The following CNOT4 variants were observed in gnomAD, a reference collection of about 807,000 sequenced individuals.
CNOT4 encodes the protein CCR4-NOT transcription complex subunit 4.
In CNOT4, 8 loss-of-function variants were observed where a neutral mutation model predicts 73.8. That is an observed-to-expected ratio of 0.11 (90% CI 0.06 to 0.20). The LOEUF is 0.20. CNOT4 is among the 10% of genes least tolerant of loss of function. The pLI, the probability that CNOT4 is intolerant of heterozygous loss-of-function variation, is 1.00. For synonymous variants in CNOT4, 293 were observed against 321.1 expected (o/e 0.91, Z 0.94); for missense variants, 564 against 883.4 (o/e 0.64, Z 4.58).
chr7:135,425,904 T>C (rs1798465701), intron 2 of CNOT4, among the ~76,000 whole-genome samples: 2 of 151,922 alleles, frequency 1.3e-5, no homozygotes, highest in African/African-American at 4.8e-5. Context: ...AATAAACTAA[T>C]ACAATAAAAT....
rs149551693 is a variant in CNOT4, at chr7:135,454,376, G to A, written c.-92-15953C>T. On this transcript the variant is annotated intron_variant, in intron 1 of 11. Coordinates refer to ENST00000541284, the MANE Select transcript of CNOT4 (RefSeq NM_001190850.2). ...ATGTTTTCAAGAATAAAACAAGGCC[G>A]GGCACAGCAACTCATTCCTGTAATC... is the stretch of plus-strand genomic sequence containing the variant. Among the ~76,000 whole-genome samples the A allele has an allele frequency of 2.5e-3, 381 of 151,858 alleles. 3 individuals are homozygous for A. The highest frequency in any genetic ancestry group is 8.6e-3 in the African/African-American group (355 of 41,406).
At chr7:135,417,884 C>T (rs1797955713) in intron 3 of CNOT4, among the ~76,000 whole-genome samples, 1 of 152,168 alleles carries the variant, frequency 6.6e-6, no homozygotes, top group African/African-American at 2.4e-5. Context: ...CACTTTACCC[C>T]AAAGACAGCA....
In CNOT4 at chr7:135,364,368, A is replaced by G. The variant is rs1212922702; in HGVS notation, c.1628-302T>C. Among the ~76,000 whole-genome samples the G allele has an allele frequency of 2.6e-5, 4 of 152,220 alleles. No individual in the cohort carries two copies. The highest frequency in any genetic ancestry group is 4.4e-5 in the Non-Finnish European group (3 of 68,032). On this transcript the variant is annotated intron_variant, in intron 10 of 11. Transcript: ENST00000541284. The surrounding 1 kb of genome is among the most constrained non-coding windows in gnomAD (Gnocchi z 4.3). Reference sequence around the variant, plus strand: ...GTTTAAAGACTCAATGCTCCAGAGCACAATTTAGTTCCAGCTACATTATGA... The same window carrying G: ...GTTTAAAGACTCAATGCTCCAGAGCGCAATTTAGTTCCAGCTACATTATGA...
chr7:135,417,507 C>T (rs751027901), intron 3 of CNOT4, among the ~76,000 whole-genome samples: 51 of 152,214 alleles, frequency 3.4e-4, no homozygotes, highest in Non-Finnish European at 6.3e-4. Flanking sequence ...GACACTGAGT[C>T]GGATAAGGTT....
chr7:135,417,752 A>G (rs1246356985), intron 3 of CNOT4, among the ~76,000 whole-genome samples: 1 of 152,182 alleles, frequency 6.6e-6, no homozygotes, highest in African/African-American at 2.4e-5. Flanking sequence ...TTCATGATCC[A>G]TTACCACTTA....
intron 3 of CNOT4, among the ~76,000 whole-genome samples, chr7:135,415,599 A>C (rs1265088165): frequency 1.3e-5 from 2 of 152,146 alleles, no homozygotes; most frequent in African/African-American, 4.8e-5. Context: ...TCTTAACTAC[A>C]TTGCCATTAA....
At chr7:135,503,527 G>A (rs1023877368) in intron 1 of CNOT4, among the ~76,000 whole-genome samples, 1 of 152,076 alleles carries the variant, frequency 6.6e-6, no homozygotes, top group African/African-American at 2.4e-5. Flanking sequence ...ACTATTTGAA[G>A]CTGAGTAACA....
At chr7:135,496,086 T>C (rs1473507843) in intron 1 of CNOT4, among the ~76,000 whole-genome samples, 1 of 152,148 alleles carries the variant, frequency 6.6e-6, no homozygotes, top group Admixed American at 6.5e-5. Flanking sequence ...CTTGACTAAA[T>C]AGTTTTTGTT....
chr7:135,400,144 T>C (rs929933132), intron 7 of CNOT4, among the ~76,000 whole-genome samples: 13 of 151,934 alleles, frequency 8.6e-5, no homozygotes, highest in Non-Finnish European at 1.5e-5. Flanking sequence ...GCATTAAAGG[T>C]AGGAATACCT....
intron 8 of CNOT4, among the ~76,000 whole-genome samples, chr7:135,397,648 C>G (rs1585583146): frequency 1.3e-5 from 2 of 150,240 alleles, no homozygotes; most frequent in Non-Finnish European, 3.0e-5. Context: ...GACAAGATGA[C>G]ATAAAGCATG....
intron 1 of CNOT4, among the ~76,000 whole-genome samples, chr7:135,440,221 T>TAAAAAAAAAAAAA (rs71174523): frequency 1.9e-5 from 2 of 107,474 alleles, no homozygotes; most frequent in Non-Finnish European, 1.9e-5. Context: ...ACAGACAAGT[T>TAAAAAAAAAAAAA]AAAAAAAAAA....
At chr7:135,372,242 G>A (rs989909900) in intron 10 of CNOT4, among the ~76,000 whole-genome samples, 1 of 152,202 alleles carries the variant, frequency 6.6e-6, no homozygotes, top group Non-Finnish European at 1.5e-5. Flanking sequence ...TCTGACCAAC[G>A]AAGAACTGGT....
At chr7:135,505,370 G>A (rs1375709955) in intron 1 of CNOT4, among the ~76,000 whole-genome samples, 1 of 152,090 alleles carries the variant, frequency 6.6e-6, no homozygotes, top group Non-Finnish European at 1.5e-5. Context: ...TGGTCAACAT[G>A]GTGAAACCCC....
chr7:135,483,595 A>C (rs1802528804), intron 1 of CNOT4, among the ~76,000 whole-genome samples: 1 of 151,960 alleles, frequency 6.6e-6, no homozygotes, highest in South Asian at 2.1e-4. Flanking sequence ...GAGAGCAGGG[A>C]GGGCAGATTG....
At chr7:135,494,616 A>G (rs1354353092) in intron 1 of CNOT4, among the ~76,000 whole-genome samples, 2 of 152,130 alleles carry the variant, frequency 1.3e-5, no homozygotes, top group Non-Finnish European at 2.9e-5. Flanking sequence ...CAGAACCTGG[A>G]ATACATCAGG....
intron 7 of CNOT4, among the ~76,000 whole-genome samples, chr7:135,403,574 C>T (rs1246796051): frequency 2.6e-5 from 4 of 151,900 alleles, no homozygotes; most frequent in Non-Finnish European, 5.9e-5. Context: ...GGCAACACAG[C>T]AAGATCCTCT....
At chr7:135,444,947 T>C (rs1204572580) in intron 1 of CNOT4, 3 of 1,562,788 alleles carry the variant, frequency 1.9e-6, no homozygotes, top group South Asian at 1.1e-5. Flanking sequence ...TTTGACTTCA[T>C]ACTTTGAAGA....
At chr7:135,487,870 G>T (rs752202874) in intron 1 of CNOT4, among the ~76,000 whole-genome samples, 1 of 152,096 alleles carries the variant, frequency 6.6e-6, no homozygotes. Context: ...TGGCTAACAC[G>T]GTGAAACCTC....
intron 7 of CNOT4, 138 bp from the exon 8 acceptor site, chr7:135,398,364 T>C: frequency 6.6e-6 from 4 of 603,052 alleles, no homozygotes; most frequent in Middle Eastern, 4.5e-4. Context: ...AAGTAAAACA[T>C]TGATTAAATG....
Sources: allele counts gnomAD v4.1 joint callset (sites outside exome capture counted in the v4.1 genomes callset), GRCh38; gene constraint gnomAD v4.1.1; non-coding constraint Gnocchi (gnomAD v3.1); transcripts MANE v1.5; gene names NCBI Gene and HGNC (gene_info 2026-07-23, HGNC 2026-07-21).